The following LYRM4 variants were observed in gnomAD, a reference collection of about 807,000 sequenced individuals.
LYRM4 encodes the protein LYR motif-containing protein 4.
A neutral mutation model predicts 11.7 loss-of-function variants in LYRM4; 9 were observed. The ratio of observed to expected loss-of-function variants is 0.77; its 90% CI spans 0.46 to 1.34. The LOEUF (loss-of-function observed/expected upper bound fraction) is 1.34, where lower values mean the gene tolerates loss of function less well. Ranked by LOEUF, LYRM4 falls within the 40% of genes most tolerant of loss-of-function variation. LYRM4 has a pLI of 0.00. For missense variants in LYRM4, 133 were observed against 112.5 expected (o/e 1.18, Z -0.82); for synonymous variants, 42 against 40.4 (o/e 1.04, Z -0.15).
At chr6:5,120,432 G>T (rs1268469174) in intron 2 of LYRM4, among the ~76,000 whole-genome samples, 1 of 152,226 alleles carries the variant, frequency 6.6e-6, no homozygotes, top group Admixed American at 6.5e-5. Context: ...CTTCAGGAAT[G>T]AAGCCACAGA....
chr6:5,245,784 CAGAGTGCCTTG>C (rs1764170668), intron 1 of LYRM4, among the ~76,000 whole-genome samples: 1 of 152,184 alleles, frequency 6.6e-6, no homozygotes, highest in Non-Finnish European at 1.5e-5. Context: ...TACAGGACTG[CAGAGTGCCTTG>C]CTGGGGTCCA....
At chr6:5,216,975 T>C (rs2127724355) in intron 1 of LYRM4, among the ~76,000 whole-genome samples, 1 of 152,326 alleles carries the variant, frequency 6.6e-6, no homozygotes. Context: ...AAACTGCTAC[T>C]GAAGTGTTCC....
At chr6:5,057,781 G>A in the LYRM4 span, among the ~76,000 whole-genome samples, 1 of 147,034 alleles carries the variant, frequency 6.8e-6, no homozygotes, top group South Asian at 2.2e-4. Flanking sequence ...TTTTCTTAAA[G>A]AGACAGGGTC....
intron 2 of LYRM4, 78 bp downstream of exon 2, chr6:5,216,540 C>A: frequency 1.3e-6 from 2 of 1,552,118 alleles, no homozygotes; most frequent in Non-Finnish European, 1.8e-6. Flanking sequence ...ACACCAAAAG[C>A]ACGGCTGTCT....
At chr6:5,094,399 G>A in the LYRM4 span, among the ~76,000 whole-genome samples, 1 of 152,180 alleles carries the variant, frequency 6.6e-6, no homozygotes, top group African/African-American at 2.4e-5. Flanking sequence ...TAGGAGGATC[G>A]CTTGAGCCAA....
intron 1 of LYRM4, among the ~76,000 whole-genome samples, chr6:5,225,182 A>G (rs1314354975): frequency 6.9e-6 from 1 of 144,692 alleles, no homozygotes; most frequent in Non-Finnish European, 1.5e-5. Flanking sequence ...TGGGAGGCAG[A>G]GTTTGCAGTG....
intron 1 of LYRM4, among the ~76,000 whole-genome samples, chr6:5,248,303 T>C (rs1483737177): frequency 6.6e-6 from 1 of 152,252 alleles, no homozygotes; most frequent in Non-Finnish European, 1.5e-5. Flanking sequence ...GCCAGGCCTC[T>C]GGAAACATCT....
intron 1 of LYRM4, among the ~76,000 whole-genome samples, chr6:5,229,522 T>G (rs1763107793): frequency 6.6e-6 from 1 of 152,136 alleles, no homozygotes; most frequent in South Asian, 2.1e-4. Flanking sequence ...GGTGCAGAAT[T>G]TCTTCCTCCA....
intron 1 of LYRM4, among the ~76,000 whole-genome samples, chr6:5,240,184 C>T (rs1407668622): frequency 6.6e-6 from 1 of 152,132 alleles, no homozygotes; most frequent in Non-Finnish European, 1.5e-5. Context: ...CCAACCTTTC[C>T]AGGCCTTCTC....
At chr6:5,102,310 C>T (rs555665659), downstream of LYRM4, among the ~76,000 whole-genome samples, 15 of 152,142 alleles carry the variant, frequency 9.9e-5, no homozygotes, top group Admixed American at 6.5e-4. Context: ...CAATTCTTGA[C>T]AAGACTCTTA....
the LYRM4 span, among the ~76,000 whole-genome samples, chr6:5,047,740 A>G: frequency 2.6e-5 from 4 of 152,340 alleles, no homozygotes; most frequent in East Asian, 7.7e-4. Context: ...AAAAAATATA[A>G]CCTAAAAACA....
the LYRM4 span, among the ~76,000 whole-genome samples, chr6:5,068,571 G>A: frequency 2.6e-5 from 4 of 152,208 alleles, no homozygotes; most frequent in African/African-American, 4.8e-5. This position sits in a 1 kb window ranked among gnomAD's most constrained non-coding sequence, Gnocchi z 4.0. Flanking sequence ...GCTCTTCCAC[G>A]CCGCAGCCCT....
Position 5,256,491 on chromosome 6 carries a change from GAAAAAAAAAAAAAAA to G in LYRM4, c.86+4142_86+4156del, listed in dbSNP as rs1161084364. Among the ~76,000 whole-genome samples, 14 of 43,878 alleles carry G rather than the reference GAAAAAAAAAAAAAAA, an allele frequency of 3.2e-4. No homozygotes were observed. In the South Asian group the frequency reaches 5.0e-3, roughly 16 times the overall value. 28.8% of individuals were successfully genotyped at this position (43,878 alleles called of 152,430 possible). On this transcript the variant is annotated intron_variant, in intron 1 of 2. Coordinates refer to ENST00000330636, the MANE Select transcript of LYRM4 (RefSeq NM_020408.6). ...GGCAACAAGGGCAAGATTTCAACTG[GAAAAAAAAAAAAAAA>G]AAAAAAAAAAAAAAAAAAAAAAAAG...
chr6:5,168,925 G>A (rs1759252775), intron 2 of LYRM4, among the ~76,000 whole-genome samples: 1 of 152,284 alleles, frequency 6.6e-6, no homozygotes, highest in South Asian at 2.1e-4. Flanking sequence ...AGGAGGGCCA[G>A]GGCGTGTGTG....
the LYRM4 span, among the ~76,000 whole-genome samples, chr6:5,073,179 G>A: frequency 1.2e-4 from 18 of 152,118 alleles, 1 homozygote; most frequent in South Asian, 3.3e-3. Context: ...GCCAGAGTTC[G>A]AGACCAGCCT....
chr6:5,187,702 A>G (rs1463184415), intron 2 of LYRM4, among the ~76,000 whole-genome samples: 2 of 152,210 alleles, frequency 1.3e-5, no homozygotes, highest in Non-Finnish European at 2.9e-5. Flanking sequence ...ATGTATACCT[A>G]TGTATCAAAC....
chr6:5,180,086 A>C (rs963207341), intron 2 of LYRM4, among the ~76,000 whole-genome samples: 4 of 152,216 alleles, frequency 2.6e-5, no homozygotes, highest in African/African-American at 9.6e-5. Context: ...CAGCTAAATA[A>C]GCAGATTTGT....
chr6:5,057,562 T>A, the LYRM4 span, among the ~76,000 whole-genome samples: 2,853 of 151,616 alleles, frequency 0.019, 93 homozygotes, highest in African/African-American at 0.065. Context: ...TACTAAAAAT[T>A]CAAAAAATTA....
chr6:5,167,557 C>A (rs1759159751), intron 2 of LYRM4, among the ~76,000 whole-genome samples: 1 of 152,140 alleles, frequency 6.6e-6, no homozygotes, highest in African/African-American at 2.4e-5. Context: ...TCATGTGGTG[C>A]TGGGCACGCA....
Sources: allele counts gnomAD v4.1 joint callset (sites outside exome capture counted in the v4.1 genomes callset), GRCh38; gene constraint gnomAD v4.1.1; non-coding constraint Gnocchi (gnomAD v3.1); transcripts MANE v1.5; gene names NCBI Gene and HGNC (gene_info 2026-07-23, HGNC 2026-07-21).